SYNE3: variants seen among roughly 807,000 people sequenced by gnomAD.
SYNE3 encodes the protein spectrin repeat containing nuclear envelope family member 3.
A neutral mutation model predicts 111.2 loss-of-function variants in SYNE3; 100 were observed. The ratio of observed to expected loss-of-function variants is 0.90; its 90% CI spans 0.77 to 1.06. The LOEUF (loss-of-function observed/expected upper bound fraction) is 1.06. Among genes scored for constraint, SYNE3 ranks in the 50% least tolerant of loss-of-function variants. SYNE3 has a pLI of 0.00. For missense variants in SYNE3, 1,160 were observed against 1,240.3 expected, an observed-to-expected ratio of 0.94 and a Z score of 0.97; for synonymous variants, 547 against 533.9, an observed-to-expected ratio of 1.02 and a Z score of -0.34.
chr14:95,499,519 C>A (rs548365804), intron 1 of SYNE3, among the ~76,000 whole-genome samples: 31 of 152,256 alleles, frequency 2.0e-4, no homozygotes, highest in Non-Finnish European at 4.4e-4. Flanking sequence ...ATCACCACCT[C>A]CAGAAAGCCT....
At chr14:95,513,658 G>A (rs1890799285) in intron 1 of SYNE3, among the ~76,000 whole-genome samples, 1 of 149,822 alleles carries the variant, frequency 6.7e-6, no homozygotes, top group Non-Finnish European at 1.5e-5. Flanking sequence ...TAAAGCAAAG[G>A]TTCCTTTCAG....
rs147895636 is a variant in SYNE3, at chr14:95,409,754, C to T, written c.*8072G>A. ...TCATACACAGAAGCTAAGGGAGAAACGACAGCTGGTTTTAAGTCCTCTTTG... is the reference window on the plus strand; with the variant it reads ...TCATACACAGAAGCTAAGGGAGAAATGACAGCTGGTTTTAAGTCCTCTTTG... On this transcript the variant is annotated 3_prime_UTR_variant, in exon 18 of 18. Transcript: ENST00000682763. The T allele has an allele frequency of 4.8e-5, 12 of 247,628 alleles. No homozygotes were observed. Among genetic ancestry groups the T allele is most frequent in the African/African-American group, 2.0e-4 (9 of 44,598 alleles). 15.3% of individuals were successfully genotyped at this position (247,628 alleles called of 1,614,324 possible).
chr14:95,477,982 C>T (rs147771515), intron 1 of SYNE3, among the ~76,000 whole-genome samples: 212 of 152,234 alleles, frequency 1.4e-3, no homozygotes, highest in African/African-American at 4.9e-3. Flanking sequence ...AGTGGGGAAG[C>T]GTGGCTCTAA....
intron 4 of SYNE3, among the ~76,000 whole-genome samples, chr14:95,463,052 A>G (rs1162892354): frequency 6.6e-6 from 1 of 152,168 alleles, no homozygotes; most frequent in Non-Finnish European, 1.5e-5. Context: ...GCTACTCGGG[A>G]GGCTGAGGCA....
Position 95,408,317 on chromosome 14 carries a change from A to ACAC in SYNE3, c.*9506_*9508dup, listed in dbSNP as rs1239091580. 3.9e-5 allele frequency: 6 copies of ACAC among 152,114 alleles called. No homozygotes were observed. Among genetic ancestry groups the ACAC allele is most frequent in the Non-Finnish European group, 8.8e-5 (6 of 68,022 alleles). The allele number at this position is 152,114 out of a possible 1,614,324, so 9.4% of individuals were successfully genotyped here. On this transcript the variant is annotated 3_prime_UTR_variant, in exon 18 of 18. Coordinates refer to ENST00000682763, the MANE Select transcript of SYNE3 (RefSeq NM_152592.6). ...ATTGGAAACTTGCCATTTTCCCAAC[A>ACAC]CACACACACAGAAAGAGAGAGAGAA...
chr14:95,515,641 A>G (rs1359731223), intron 1 of SYNE3, among the ~76,000 whole-genome samples: 1 of 152,142 alleles, frequency 6.6e-6, no homozygotes, highest in Non-Finnish European at 1.5e-5. Flanking sequence ...CCCCCAAGAC[A>G]CATCAAGCTA....
Position 95,443,347 on chromosome 14 carries a change from GGCCGATCAGGGCAGA to G in SYNE3, c.1777-73_1777-59del, listed in dbSNP as rs1886515679. 3 of 1,602,958 alleles carry G rather than the reference GGCCGATCAGGGCAGA, an allele frequency of 1.9e-6. No individual in the cohort carries two copies. The Admixed American group carries it at 5.1e-5, about 27-fold the overall frequency. ...TTCCCACCTCTCCCTCCCTTGGGGT[GGCCGATCAGGGCAGA>G]GCCTCTGAGTGGGAGAGCCTGGGAG... On this transcript the variant is annotated intron_variant, in intron 10 of 17. Transcript: ENST00000682763.
chr14:95,423,193 G>A (rs1885231335), intron 17 of SYNE3, among the ~76,000 whole-genome samples: 1 of 152,132 alleles, frequency 6.6e-6, no homozygotes, highest in Admixed American at 6.5e-5. Context: ...GGGATGGGAC[G>A]ATCTGAGCTG....
At chr14:95,499,091 A>G (rs1890219342) in intron 1 of SYNE3, among the ~76,000 whole-genome samples, 1 of 152,200 alleles carries the variant, frequency 6.6e-6, no homozygotes, top group African/African-American at 2.4e-5. Context: ...AAGGAGATCC[A>G]TGGCCCTGCA....
intron 1 of SYNE3, among the ~76,000 whole-genome samples, chr14:95,489,750 A>C (rs1456751959): frequency 6.6e-6 from 1 of 151,164 alleles, no homozygotes; most frequent in Non-Finnish European, 1.5e-5. Flanking sequence ...TGCCTGGCTT[A>C]TTTTTTTTTG....
Position 95,410,757 on chromosome 14 carries a change from T to G in SYNE3, c.*7069A>C, listed in dbSNP as rs1903413639. On this transcript the variant is annotated 3_prime_UTR_variant, in exon 18 of 18. Transcript: ENST00000682763. ...AAGTTGGTCGGGGGAGGAGGGATTC[T>G]GTTACTCGTGGCTGAATCTAGGGAT... is the stretch of plus-strand genomic sequence containing the variant. 1 of 152,282 alleles carries G rather than the reference T, an allele frequency of 6.6e-6. No individual in the cohort carries two copies. Among genetic ancestry groups the G allele is most frequent in the South Asian group, 2.1e-4 (1 of 4,832 alleles). 9.4% of individuals were successfully genotyped at this position (152,282 alleles called of 1,614,324 possible). A position where few individuals can be genotyped will look rare whatever the true frequency, so the allele number is the denominator to read the frequency against.
chr14:95,482,945 ACT>A (rs1889345468), intron 1 of SYNE3, among the ~76,000 whole-genome samples: 1 of 151,952 alleles, frequency 6.6e-6, no homozygotes, highest in Non-Finnish European at 1.5e-5. Flanking sequence ...TTGAGTCTAA[ACT>A]CTTTGCTATT....
chr14:95,469,682 G>A (rs181774564), intron 2 of SYNE3, among the ~76,000 whole-genome samples: 14 of 152,108 alleles, frequency 9.2e-5, no homozygotes, highest in African/African-American at 3.1e-4. Flanking sequence ...CTACGCTCCA[G>A]CCTGGGTGCC....
chr14:95,483,263 C>T (rs931419629), intron 1 of SYNE3, among the ~76,000 whole-genome samples: 2 of 152,184 alleles, frequency 1.3e-5, no homozygotes, highest in Non-Finnish European at 2.9e-5. Context: ...CATGGCAGGC[C>T]CCATTAGCGA....
At chr14:95,422,177 A>G (rs1885164987) in intron 17 of SYNE3, among the ~76,000 whole-genome samples, 1 of 151,916 alleles carries the variant, frequency 6.6e-6, no homozygotes, top group East Asian at 1.9e-4. Context: ...GGAGGCCACC[A>G]CTGAGACATG....
At chr14:95,476,586 A>G (rs796790384) in intron 1 of SYNE3, among the ~76,000 whole-genome samples, 3 of 152,354 alleles carry the variant, frequency 2.0e-5, no homozygotes, top group Admixed American at 6.5e-5. Flanking sequence ...ATGGCTGCAA[A>G]GCCTCAGATT....
chr14:95,419,396 T>TAC (rs952078255), intron 17 of SYNE3, among the ~76,000 whole-genome samples: 6 of 152,166 alleles, frequency 3.9e-5, no homozygotes, highest in African/African-American at 1.4e-4. Flanking sequence ...GGTATATATA[T>TAC]ACCTTGATTG....
At chr14:95,469,659 C>T (rs1016173096) in intron 2 of SYNE3, among the ~76,000 whole-genome samples, 1 of 151,640 alleles carries the variant, frequency 6.6e-6, no homozygotes, top group African/African-American at 2.4e-5. Flanking sequence ...TGCAGTGAGC[C>T]GTGATCAAAC....
intron 1 of SYNE3, among the ~76,000 whole-genome samples, chr14:95,478,138 A>G (rs1029466329): frequency 6.6e-6 from 1 of 152,126 alleles, no homozygotes; most frequent in African/African-American, 2.4e-5. Flanking sequence ...GCTCAGACCA[A>G]CCGAACTGTG....
Sources: gnomAD v4.1 joint callset for allele counts (sites outside exome capture counted in the v4.1 genomes callset) on GRCh38, gnomAD v4.1.1 for gene constraint, MANE v1.5 for transcripts, NCBI Gene and HGNC (gene_info 2026-07-23, HGNC 2026-07-21) for gene names.